PCNX4: variants seen among roughly 807,000 people sequenced by gnomAD.
PCNX4 encodes pecanex 4.
In PCNX4, 103 loss-of-function variants were observed where a neutral mutation model predicts 107.2. The observed-to-expected ratio is 0.96, with a 90% confidence interval of 0.82 to 1.13. PCNX4 has a LOEUF of 1.13. Among genes scored for constraint, PCNX4 ranks in the 50% most tolerant of loss-of-function variants. The probability of loss-of-function intolerance (pLI) is 0.00; values close to 1 mark genes in which losing one functional copy is unlikely to be tolerated. For missense variants in PCNX4, 1,528 were observed against 1,379.4 expected (o/e 1.11, Z -1.71); for synonymous variants, 541 against 481.7 (o/e 1.12, Z -1.61).
intron 1 of PCNX4, among the ~76,000 whole-genome samples, chr14:60,097,312 T>C (rs1895443876): frequency 6.6e-6 from 1 of 152,158 alleles, no homozygotes; most frequent in African/African-American, 2.4e-5. Flanking sequence ...ACATCACACT[T>C]GAGTCAAAGC....
At chr14:60,130,368 A>G (rs574610275) in intron 10 of PCNX4, among the ~76,000 whole-genome samples, 1 of 151,630 alleles carries the variant, frequency 6.6e-6, no homozygotes, top group East Asian at 1.9e-4. Context: ...GGTAGATATA[A>G]AAAAACTATT....
intron 1 of PCNX4, among the ~76,000 whole-genome samples, chr14:60,092,943 C>T (rs219294): frequency 0.75 from 114,799 of 152,096 alleles, 45,304 homozygotes; most frequent in Non-Finnish European, 0.87. Context: ...TTTTCACTTA[C>T]TCATTTTTTA....
At position 60,124,205 on chromosome 14, in the gene PCNX4, AT is replaced by A; in HGVS notation, c.2047-10del. 1.3e-6 allele frequency: 2 copies of A among 1,519,548 alleles called. No homozygotes were observed. Among genetic ancestry groups the A allele is most frequent in the Non-Finnish European group, 1.8e-6 (2 of 1,136,096 alleles). 94.1% of individuals were successfully genotyped at this position (1,519,548 alleles called of 1,614,324 possible). A position where few individuals can be genotyped will look rare whatever the true frequency, so the allele number is the denominator to read the frequency against. On this transcript the variant is annotated splice_polypyrimidine_tract_variant and intron_variant, in intron 8 of 10. Coordinates refer to ENST00000406854, the MANE Select transcript of PCNX4 (RefSeq NM_001330177.2). Reference sequence around the variant, plus strand: ...ATGATTATAAACTCAAGTACTTTTTATTTCTTCTTTAGGGGTTAGAATTGCA... The same window carrying A: ...ATGATTATAAACTCAAGTACTTTTTATTCTTCTTTAGGGGTTAGAATTGCA...
intron 1 of PCNX4, among the ~76,000 whole-genome samples, chr14:60,098,944 GAAAAAAAAA>G (rs113426666): frequency 8.3e-6 from 1 of 120,914 alleles, no homozygotes; most frequent in African/African-American, 3.1e-5. Context: ...GTCTCAAAAA[GAAAAAAAAA>G]AAAAGAAAGA....
rs78464868 is a variant in PCNX4 at position 60,115,718 on chromosome 14, G to C, written c.1358-1G>C. ...ATTTCTCTCTTTTTGTTTTGTTTTAGTATCACCTTTTGCCATGATAGCATT... is the reference window on the plus strand; with the variant it reads ...ATTTCTCTCTTTTTGTTTTGTTTTACTATCACCTTTTGCCATGATAGCATT... On this transcript the variant is annotated splice_acceptor_variant, in intron 4 of 10. Coordinates refer to ENST00000406854, the MANE Select transcript of PCNX4 (RefSeq NM_001330177.2). LOFTEE classifies it high-confidence loss of function. 116 of 1,609,204 alleles carry C rather than the reference G, an allele frequency of 7.2e-5. 1 individual carries two copies. The highest frequency in any genetic ancestry group is 3.9e-4 in the Admixed American group (23 of 59,676).
chr14:60,095,600 C>T lies in PCNX4; in HGVS notation c.-54+3181C>T, dbSNP rs1011127501. On this transcript the variant is annotated intron_variant, in intron 1 of 10. Transcript: ENST00000406854. ...GGTCCCAAAATTTAATTTCCTTTCA[C>T]ATTTCCCTTCTTTTTTCTGTAAAAT... Among the ~76,000 whole-genome samples, 6 of 152,286 alleles carry T rather than the reference C, an allele frequency of 3.9e-5. No homozygotes were observed. In the East Asian group the frequency reaches 7.7e-4, roughly 20 times the overall value.
In PCNX4 at chr14:60,137,323, G is replaced by A. The variant is rs1260590772; in HGVS notation, c.*3102G>A. ...AGACCAAGACTCTCCAAGGAAGTAG[G>A]GGAGGGGAAAGGAATCCTAGTTAAC... is the stretch of plus-strand genomic sequence containing the variant. On this transcript the variant is annotated 3_prime_UTR_variant, in exon 11 of 11. Coordinates refer to ENST00000406854, the MANE Select transcript of PCNX4 (RefSeq NM_001330177.2). 6.6e-6 allele frequency: 1 copy of A among 152,188 alleles called. No homozygotes were observed. The highest frequency in any genetic ancestry group is 6.5e-5 in the Admixed American group (1 of 15,284). 9.4% of individuals were successfully genotyped at this position (152,188 alleles called of 1,614,324 possible).
chr14:60,114,945 A>G (rs779239976), intron 3 of PCNX4, 29 bp from the exon 4 acceptor site: 8 of 1,469,414 alleles, frequency 5.4e-6, no homozygotes, highest in South Asian at 1.3e-5. Flanking sequence ...TTTCAAGTAA[A>G]TATTTTTTTC....
intron 10 of PCNX4, among the ~76,000 whole-genome samples, chr14:60,130,460 TCA>T (rs912414460): frequency 5.9e-5 from 9 of 152,032 alleles, no homozygotes; most frequent in Non-Finnish European, 1.2e-4. Context: ...TATGAAAAAC[TCA>T]CAGTGAACAT....
rs75758926 is a variant in PCNX4 at position 60,137,086 on chromosome 14, A to T, written c.*2865A>T. On this transcript the variant is annotated 3_prime_UTR_variant, in exon 11 of 11. Transcript: ENST00000406854. ...GCAATGCCAGGCAAAATAGTATTTT[A>T]AAATCTGCTTAAAGGCATTAGAGAA... 1.3e-5 allele frequency: 2 copies of T among 152,240 alleles called. No homozygotes were observed. The highest frequency in any genetic ancestry group is 6.5e-5 in the Admixed American group (1 of 15,288). 9.4% of individuals were successfully genotyped at this position (152,240 alleles called of 1,614,324 possible). A position where few individuals can be genotyped will look rare whatever the true frequency, so the allele number is the denominator to read the frequency against.
chr14:60,112,041 A>G (rs1895749700), intron 2 of PCNX4, among the ~76,000 whole-genome samples: 1 of 152,206 alleles, frequency 6.6e-6, no homozygotes, highest in African/African-American at 2.4e-5. Flanking sequence ...ATTTCAGAAG[A>G]TATGAAAGGG....
chr14:60,101,376 G>A (rs1673070920), intron 1 of PCNX4, among the ~76,000 whole-genome samples: 2 of 152,062 alleles, frequency 1.3e-5, no homozygotes, highest in African/African-American at 4.8e-5. Flanking sequence ...CACTTGTTCG[G>A]CTTTTTTCAT....
intron 2 of PCNX4, among the ~76,000 whole-genome samples, chr14:60,112,525 G>C (rs953418727): frequency 6.6e-6 from 1 of 152,116 alleles, no homozygotes. Flanking sequence ...CACAATGTTT[G>C]ATTACTTCAA....
intron 2 of PCNX4, among the ~76,000 whole-genome samples, chr14:60,112,266 T>C (rs1895753697): frequency 6.6e-6 from 1 of 152,218 alleles, no homozygotes; most frequent in African/African-American, 2.4e-5. Flanking sequence ...AGAAAAAATC[T>C]TTTTTCTTGG....
At position 60,138,379 on chromosome 14, in the gene PCNX4, T is replaced by G. The variant is rs1448843521; in HGVS notation, c.*4158T>G. Reference sequence around the variant, plus strand: ...TCCAAGTTTTTAAGACATGAAGACCTGCAAGATCAAAGCATGATAAATAAA... The same window carrying G: ...TCCAAGTTTTTAAGACATGAAGACCGGCAAGATCAAAGCATGATAAATAAA... On this transcript the variant is annotated 3_prime_UTR_variant, in exon 11 of 11. Coordinates refer to ENST00000406854, the MANE Select transcript of PCNX4 (RefSeq NM_001330177.2). The G allele has an allele frequency of 6.6e-6, 1 of 152,034 alleles. No individual in the cohort carries two copies. The highest frequency in any genetic ancestry group is 1.5e-5 in the Non-Finnish European group (1 of 68,010). The allele number at this position is 152,034 out of a possible 1,614,324, so 9.4% of individuals were successfully genotyped here.
At chr14:60,106,249 C>G (rs1214095520) in intron 1 of PCNX4, among the ~76,000 whole-genome samples, 3 of 152,148 alleles carry the variant, frequency 2.0e-5, no homozygotes, top group African/African-American at 7.2e-5. Flanking sequence ...GTTCAAGTCT[C>G]TGATATAAAA....
At position 60,125,372 on chromosome 14, in the gene PCNX4, GA is replaced by G. The variant is rs1160967044; in HGVS notation, c.3080+128del. On this transcript the variant is annotated intron_variant, in intron 9 of 10. Coordinates refer to ENST00000406854, the MANE Select transcript of PCNX4 (RefSeq NM_001330177.2). ...TTTTAAAATTTACTTTCTTCAAAAT[GA>G]AAAAAATGTTTCATGTGTAGTGTGA... 25 of 1,098,354 alleles carry G rather than the reference GA, an allele frequency of 2.3e-5. 1 individual carries two copies. The South Asian group carries it at 2.7e-4, about 12-fold the overall frequency. The allele number at this position is 1,098,354 out of a possible 1,614,324, so 68.0% of individuals were successfully genotyped here.
chr14:60,140,281 G>A lies in PCNX4; in HGVS notation c.*6060G>A, dbSNP rs1220064215. On this transcript the variant is annotated 3_prime_UTR_variant, in exon 11 of 11. Coordinates refer to ENST00000406854, the MANE Select transcript of PCNX4 (RefSeq NM_001330177.2). This position sits in a 1 kb window ranked among gnomAD's most constrained non-coding sequence, Gnocchi z 4.2. ...TGAATAAATTCTTTAAACTATGGAA[G>A]AGCCAAAATTGACAAATGAAAAAAT... is the stretch of plus-strand genomic sequence containing the variant. The A allele has an allele frequency of 6.6e-6, 1 of 152,082 alleles. No individual in the cohort carries two copies. Among genetic ancestry groups the A allele is most frequent in the Non-Finnish European group, 1.5e-5 (1 of 68,006 alleles). The allele number at this position is 152,082 out of a possible 1,614,324, so 9.4% of individuals were successfully genotyped here. A position where few individuals can be genotyped will look rare whatever the true frequency, so the allele number is the denominator to read the frequency against.
At chr14:60,107,209 C>T (rs1288801984) in intron 1 of PCNX4, among the ~76,000 whole-genome samples, 1 of 152,062 alleles carries the variant, frequency 6.6e-6, no homozygotes, top group African/African-American at 2.4e-5. Context: ...TGGCAAAACC[C>T]CATCTCTACA....
Sources: gnomAD v4.1 joint callset for allele counts (sites outside exome capture counted in the v4.1 genomes callset) on GRCh38, gnomAD v4.1.1 for gene constraint, Gnocchi (gnomAD v3.1) non-coding constraint, MANE v1.5 for transcripts, NCBI Gene and HGNC (gene_info 2026-07-23, HGNC 2026-07-21) for gene names.